Variants in RMST observed in about 807,000 individuals in gnomAD.
The protein encoded by RMST is long intergenic non-protein coding RNA 54.
At chr12:97,478,126 T>C (rs888735042) in intron 5 of RMST, among the ~76,000 whole-genome samples, 19 of 152,184 alleles carry the variant, frequency 1.2e-4, no homozygotes. Context: ...ATCAAACACT[T>C]GGTATTGGGC....
At chr12:97,476,671 C>A (rs977327712) in intron 5 of RMST, among the ~76,000 whole-genome samples, 1 of 152,112 alleles carries the variant, frequency 6.6e-6, no homozygotes, top group Non-Finnish European at 1.5e-5. Context: ...GGCAAATTTG[C>A]ATAATACTTT....
chr12:97,475,811 A>T (rs1054705661), intron 5 of RMST, among the ~76,000 whole-genome samples: 6 of 152,172 alleles, frequency 3.9e-5, no homozygotes, highest in African/African-American at 1.4e-4. Flanking sequence ...GGTTTCAAAA[A>T]TATATACATA....
chr12:97,521,450 A>G (rs11109089), intron 10 of RMST, among the ~76,000 whole-genome samples: 19,798 of 152,148 alleles, frequency 0.13, 2,109 homozygotes, highest in African/African-American at 0.27. Flanking sequence ...ATGTATGTAT[A>G]TATAATATAC....
chr12:97,497,059 G>A (rs1362553587), intron 10 of RMST, among the ~76,000 whole-genome samples: 1 of 151,992 alleles, frequency 6.6e-6, no homozygotes, highest in African/African-American at 2.4e-5. Flanking sequence ...TTCTTTCCCT[G>A]GAGTCTGCAC....
At chr12:97,493,592 G>A (rs1432198214) in intron 7 of RMST, among the ~76,000 whole-genome samples, 1 of 151,952 alleles carries the variant, frequency 6.6e-6, no homozygotes, top group Non-Finnish European at 1.5e-5. Context: ...TGGAATACTT[G>A]CATTATACGA....
chr12:97,526,073 G>C (rs895923027), intron 10 of RMST, among the ~76,000 whole-genome samples: 3 of 151,800 alleles, frequency 2.0e-5, no homozygotes, highest in Non-Finnish European at 4.4e-5. Flanking sequence ...GGCTCCCACT[G>C]ATTCTACATT....
intron 5 of RMST, chr12:97,491,935 C>G (rs2136452495): frequency 1.9e-6 from 1 of 533,774 alleles, no homozygotes. Context: ...AAAGGCGCTT[C>G]TCCTTCTGAA....
chr12:97,563,693 A>G (rs1592817197), intron 13 of RMST: 2 of 430,180 alleles, frequency 4.6e-6, no homozygotes, highest in Middle Eastern at 7.4e-4. Flanking sequence ...TCACAATTCA[A>G]GTGTGCTTCC....
intron 5 of RMST, among the ~76,000 whole-genome samples, chr12:97,483,023 G>A (rs553425260): frequency 1.3e-5 from 2 of 151,826 alleles, no homozygotes; most frequent in South Asian, 2.1e-4. Context: ...CACGGCTCAC[G>A]GGACAGTCAT....
At chr12:97,481,605 A>C (rs1299909365) in intron 5 of RMST, among the ~76,000 whole-genome samples, 1 of 152,188 alleles carries the variant, frequency 6.6e-6, no homozygotes, top group Non-Finnish European at 1.5e-5. Flanking sequence ...TTTCTCAGGA[A>C]GAAGAGTGAG....
At chr12:97,505,015 T>C (rs544717966) in intron 10 of RMST, among the ~76,000 whole-genome samples, 52 of 152,356 alleles carry the variant, frequency 3.4e-4, no homozygotes, top group Admixed American at 2.1e-3. Flanking sequence ...CTTCATGTTA[T>C]GTTCACTTTT....
At chr12:97,561,744 C>T in intron 13 of RMST, among the ~76,000 whole-genome samples, 1 of 149,192 alleles carries the variant, frequency 6.7e-6, no homozygotes, top group East Asian at 2.0e-4. Context: ...TCCCAGTAGC[C>T]CACAGTTCCT....
In RMST at chr12:97,506,340, G is replaced by C. The variant is rs533060134; in HGVS notation, n.1340+10284G>C. On this transcript the variant is annotated intron_variant and non_coding_transcript_variant, in intron 10 of 13. Coordinates refer to ENST00000640149, the Ensembl canonical transcript of RMST. ...GAGACATATTGAAATCAAAATAATG[G>C]TGAGCCTCTTTCCCTATGTGAAATT... Among the ~76,000 whole-genome samples the C allele has an allele frequency of 1.3e-4, 19 of 151,810 alleles. No homozygotes were observed. In the South Asian group the frequency reaches 1.7e-3, roughly 13 times the overall value.
intron 5 of RMST, among the ~76,000 whole-genome samples, chr12:97,481,885 G>A (rs1167869183): frequency 2.0e-5 from 3 of 152,162 alleles, no homozygotes; most frequent in African/African-American, 4.8e-5. Context: ...TTTGATTCAG[G>A]CTGCTCTTTC....
At chr12:97,560,347 C>G (rs1416189809) in intron 11 of RMST, among the ~76,000 whole-genome samples, 1 of 152,150 alleles carries the variant, frequency 6.6e-6, no homozygotes, top group African/African-American at 2.4e-5. Context: ...CTAGCAGATT[C>G]TATTTATCTG....
intron 11 of RMST, among the ~76,000 whole-genome samples, chr12:97,540,019 T>A (rs1882377087): frequency 6.6e-6 from 1 of 151,720 alleles, no homozygotes; most frequent in Non-Finnish European, 1.5e-5. Context: ...AATTTTGATT[T>A]AGTTTTATTA....
intron 11 of RMST, among the ~76,000 whole-genome samples, chr12:97,542,148 C>T (rs1197258309): frequency 6.6e-6 from 1 of 151,804 alleles, no homozygotes; most frequent in African/African-American, 2.4e-5. Context: ...CTTGGTTCTC[C>T]ACTAATTAGA....
intron 11 of RMST, among the ~76,000 whole-genome samples, chr12:97,555,584 A>G (rs1294580567): frequency 6.6e-6 from 1 of 152,216 alleles, no homozygotes; most frequent in Non-Finnish European, 1.5e-5. Context: ...ATTTCCCTTC[A>G]AATGGGCGAG....
chr12:97,528,099 G>A (rs1330052757), intron 10 of RMST, among the ~76,000 whole-genome samples: 7 of 152,112 alleles, frequency 4.6e-5, no homozygotes, highest in Non-Finnish European at 1.0e-4. Flanking sequence ...TACAGATGGA[G>A]TCTTTGATTC....
Sources: gnomAD v4.1 joint callset for allele counts (sites outside exome capture counted in the v4.1 genomes callset) on GRCh38, gnomAD v4.1.1 for gene constraint, MANE v1.5 for transcripts, NCBI Gene and HGNC (gene_info 2026-07-23, HGNC 2026-07-21) for gene names.